The following ZC2HC1B variants were observed in gnomAD, a reference collection of about 807,000 sequenced individuals.
ZC2HC1B encodes the protein zinc finger C2HC-type containing 1B.
Under a neutral mutation model 31.0 loss-of-function variants are expected in ZC2HC1B, and 36 were observed. The observed-to-expected ratio is 1.16, with a 90% CI of 0.89 to 1.54. The LOEUF is 1.54. ZC2HC1B is among the 40% of genes most tolerant of loss of function. The pLI is 0.00. For missense variants in ZC2HC1B, 260 were observed against 268.6 expected (o/e 0.97, Z 0.22); for synonymous variants, 73 against 88.0 (o/e 0.83, Z 0.95).
chr6:143,881,279 G>A (rs1034255197), intron 1 of ZC2HC1B, among the ~76,000 whole-genome samples: 3 of 152,140 alleles, frequency 2.0e-5, no homozygotes, highest in Non-Finnish European at 2.9e-5. Context: ...AGCTGGGCAC[G>A]GTGGCTTACA....
At chr6:143,902,799 A>G (rs535080169) in intron 5 of ZC2HC1B, among the ~76,000 whole-genome samples, 6 of 152,320 alleles carry the variant, frequency 3.9e-5, no homozygotes, top group Admixed American at 1.3e-4. Context: ...CACCAACCCC[A>G]AGGGCTTAAT....
At position 143,883,185 on chromosome 6, in the gene ZC2HC1B, G is replaced by A. The variant is rs989869425; in HGVS notation, c.29-1119G>A. Among the ~76,000 whole-genome samples the A allele has an allele frequency of 2.6e-5, 4 of 152,076 alleles. No individual in the cohort carries two copies. The highest frequency in any genetic ancestry group is 4.8e-5 in the African/African-American group (2 of 41,406). The stretch of plus-strand genomic sequence containing the variant: ...CTCCTGAGTAGCTGGGACCACAGGC[G>A]CGAGCCACCAAGCCCAACTAATTTT... On this transcript the variant is annotated intron_variant, in intron 1 of 7. Coordinates refer to ENST00000237275, the MANE Select transcript of ZC2HC1B (RefSeq NM_001013623.3). The surrounding 1 kb of genome is among the most constrained non-coding windows in gnomAD (Gnocchi z 4.1).
At chr6:143,932,050 T>A (rs1283734194) in intron 6 of ZC2HC1B, among the ~76,000 whole-genome samples, 2 of 152,022 alleles carry the variant, frequency 1.3e-5, no homozygotes, top group Non-Finnish European at 2.9e-5. Flanking sequence ...ATTTTTAGTA[T>A]TTTTAGTAGA....
chr6:143,925,939 T>C (rs1778035129), intron 6 of ZC2HC1B, among the ~76,000 whole-genome samples: 1 of 152,254 alleles, frequency 6.6e-6, no homozygotes, highest in African/African-American at 2.4e-5. Flanking sequence ...GATGATTTCT[T>C]GTATTTCTGT....
chr6:143,928,596 A>AT (rs964529569), intron 6 of ZC2HC1B, among the ~76,000 whole-genome samples: 299 of 149,260 alleles, frequency 2.0e-3, no homozygotes, highest in South Asian at 0.012. Context: ...GAATTTTAGG[A>AT]TTTTTTTTTT....
rs1312306721 is a variant in ZC2HC1B, at chr6:143,933,083, G to T, written c.599-4566G>T. 6.6e-6 allele frequency among the ~76,000 whole-genome samples: 1 copy of T among 152,222 alleles called. No homozygotes were observed. The highest frequency in any genetic ancestry group is 1.5e-5 in the Non-Finnish European group (1 of 68,028). On this transcript the variant is annotated intron_variant, in intron 6 of 7. Transcript: ENST00000237275. The surrounding 1 kb of genome is among the most constrained non-coding windows in gnomAD (Gnocchi z 6.4). ...GTAGACTCTGTGAGAGTCCTTGGTT[G>T]TAAATATGTTTACTGTGTTGTCTTT...
In ZC2HC1B at chr6:143,905,106, A is replaced by G. The variant is rs1194305413; in HGVS notation, c.598+1954A>G. On this transcript the variant is annotated intron_variant, in intron 6 of 7. Coordinates refer to ENST00000237275, the MANE Select transcript of ZC2HC1B (RefSeq NM_001013623.3). The surrounding 1 kb of genome is among the most constrained non-coding windows in gnomAD (Gnocchi z 4.2). ...GGGCTTTTTTATTTCTGCAAGAAAC[A>G]TCATTGAGATTTTAACCGTGATTGC... Among the ~76,000 whole-genome samples, 2 of 152,234 alleles carry G rather than the reference A, an allele frequency of 1.3e-5. No individual in the cohort carries two copies. The highest frequency in any genetic ancestry group is 1.9e-4 in the East Asian group (1 of 5,202).
chr6:143,884,165 C>G lies in ZC2HC1B; in HGVS notation c.29-139C>G, dbSNP rs1199359718. 3.0e-6 allele frequency: 2 copies of G among 675,854 alleles called. No individual in the cohort carries two copies. The highest frequency in any genetic ancestry group is 4.7e-6 in the Non-Finnish European group (2 of 425,012). 41.9% of individuals were successfully genotyped at this position (675,854 alleles called of 1,614,324 possible). A position where few individuals can be genotyped will look rare whatever the true frequency, so the allele number is the denominator to read the frequency against. ...GTGAGTTTAGTTTACACAGGGTCTT[C>G]CCAAAGGGAAGAAGCAGTTGGTGGG... On this transcript the variant is annotated intron_variant, in intron 1 of 7. Transcript: ENST00000237275. This position sits in a 1 kb window ranked among gnomAD's most constrained non-coding sequence, Gnocchi z 5.1.
chr6:143,882,472 T>C (rs1777481128), intron 1 of ZC2HC1B, among the ~76,000 whole-genome samples: 1 of 150,838 alleles, frequency 6.6e-6, no homozygotes, highest in Non-Finnish European at 1.5e-5. Flanking sequence ...TACCAATTAG[T>C]AGATGTGACA....
In ZC2HC1B at chr6:143,911,033, A is replaced by G. The variant is rs201939866; in HGVS notation, c.598+7881A>G. ...CTCCCAAAGTGCTAGGATTACAGGC[A>G]TGAGCCACTGCGCCCAGCCCTTTGT... is the stretch of plus-strand genomic sequence containing the variant. On this transcript the variant is annotated intron_variant, in intron 6 of 7. Coordinates refer to ENST00000237275, the MANE Select transcript of ZC2HC1B (RefSeq NM_001013623.3). This position sits in a 1 kb window ranked among gnomAD's most constrained non-coding sequence, Gnocchi z 4.5. Among the ~76,000 whole-genome samples the G allele has an allele frequency of 6.6e-6, 1 of 152,176 alleles. No individual in the cohort carries two copies. The highest frequency in any genetic ancestry group is 6.5e-5 in the Admixed American group (1 of 15,280).
rs1778010885 is a variant in ZC2HC1B, at chr6:143,924,184, A to G, written c.599-13465A>G. 6.6e-6 allele frequency among the ~76,000 whole-genome samples: 1 copy of G among 151,866 alleles called. No homozygotes were observed. The highest frequency in any genetic ancestry group is 2.4e-5 in the African/African-American group (1 of 41,368). ...CACTTTCTTGGTTTAATTTATTCCT[A>G]AGTATTTTATTTTTTGTAGCTATTG... On this transcript the variant is annotated intron_variant, in intron 6 of 7. Coordinates refer to ENST00000237275, the MANE Select transcript of ZC2HC1B (RefSeq NM_001013623.3). The surrounding 1 kb of genome is among the most constrained non-coding windows in gnomAD (Gnocchi z 5.2).
At position 143,937,687 on chromosome 6, in the gene ZC2HC1B, C is replaced by A. The variant is rs1445799430; in HGVS notation, c.637C>A (p.Gln213Lys). 1.3e-6 allele frequency: 2 copies of A among 1,550,860 alleles called. No homozygotes were observed. The highest frequency in any genetic ancestry group is 2.7e-5 in the African/African-American group (2 of 72,978). Reference sequence around the variant, plus strand: ...CCCTGCTTCTGGAGCAAAACTCAGACAAGGATTTAGTAAATCTTCTAAAAA... The same window carrying A: ...CCCTGCTTCTGGAGCAAAACTCAGAAAAGGATTTAGTAAATCTTCTAAAAA... ...MDPASGAKLR[Q>K]GFSKSSKKD The change falls in exon 7 of 8, where the codon CAA becomes AAA. Residue 213 changes from glutamine (Q) to lysine (K), a missense_variant. By Grantham distance (53) the Gln-to-Lys change is moderately conservative. Coordinates refer to ENST00000237275, the MANE Select transcript of ZC2HC1B (RefSeq NM_001013623.3).
chr6:143,909,263 G>C (rs1230296267), intron 6 of ZC2HC1B, among the ~76,000 whole-genome samples: 1 of 152,086 alleles, frequency 6.6e-6, no homozygotes, highest in Non-Finnish European at 1.5e-5. Flanking sequence ...AGGTTTTGGT[G>C]GTGGGCTCCT....
intron 4 of ZC2HC1B, among the ~76,000 whole-genome samples, chr6:143,894,214 G>T (rs971220189): frequency 6.6e-6 from 1 of 152,106 alleles, no homozygotes; most frequent in East Asian, 1.9e-4. Context: ...TCAACTATAA[G>T]GAGGAAATAC....
chr6:143,931,295 A>C (rs1440788217), intron 6 of ZC2HC1B, among the ~76,000 whole-genome samples: 6 of 152,160 alleles, frequency 3.9e-5, no homozygotes, highest in African/African-American at 1.4e-4. Flanking sequence ...CATTTAGGCC[A>C]TTTACATTCA....
At chr6:143,929,441 A>G (rs537448060) in intron 6 of ZC2HC1B, among the ~76,000 whole-genome samples, 5 of 152,106 alleles carry the variant, frequency 3.3e-5, no homozygotes, top group African/African-American at 4.8e-5. Flanking sequence ...ACTTGATCAT[A>G]TTGTATTATC....
At chr6:143,906,024 T>G (rs1374977781) in intron 6 of ZC2HC1B, among the ~76,000 whole-genome samples, 2 of 152,206 alleles carry the variant, frequency 1.3e-5, no homozygotes, top group Admixed American at 1.3e-4. Flanking sequence ...ATCTTTGAAG[T>G]CAGGGTATCC....
chr6:143,916,340 A>G (rs6925460), intron 6 of ZC2HC1B, among the ~76,000 whole-genome samples: 102,762 of 152,136 alleles, frequency 0.68, 35,708 homozygotes, highest in African/African-American at 0.84. Flanking sequence ...TGCCCAAGCT[A>G]AAGTTTGCTG....
In ZC2HC1B at chr6:143,883,673, C is replaced by T. The variant is rs1408323110; in HGVS notation, c.29-631C>T. Among the ~76,000 whole-genome samples, 2 of 152,222 alleles carry T rather than the reference C, an allele frequency of 1.3e-5. No homozygotes were observed. Among genetic ancestry groups the T allele is most frequent in the Non-Finnish European group, 2.9e-5 (2 of 68,034 alleles). ...GAATTTCATAATATTTTGCTTTTCTCATGATACTTTTCCAATGTCATTAAT... is the reference window on the plus strand; with the variant it reads ...GAATTTCATAATATTTTGCTTTTCTTATGATACTTTTCCAATGTCATTAAT... On this transcript the variant is annotated intron_variant, in intron 1 of 7. Transcript: ENST00000237275. The surrounding 1 kb of genome is among the most constrained non-coding windows in gnomAD (Gnocchi z 4.1).
Sources: gnomAD v4.1 joint callset for allele counts (sites outside exome capture counted in the v4.1 genomes callset) on GRCh38, gnomAD v4.1.1 for gene constraint, Gnocchi (gnomAD v3.1) non-coding constraint, MANE v1.5 for transcripts, NCBI Gene and HGNC (gene_info 2026-07-23, HGNC 2026-07-21) for gene names.